LRP1B: variants seen among roughly 807,000 people sequenced by gnomAD.
The protein encoded by LRP1B is LDL receptor related protein 1B, also known as low-density lipoprotein receptor-related protein 1B.
A neutral mutation model predicts 556.6 loss-of-function variants in LRP1B; 217 were observed. That is an observed-to-expected ratio of 0.39 (90% CI 0.35 to 0.44). The LOEUF (loss-of-function observed/expected upper bound fraction) is 0.44. Among genes scored for constraint, LRP1B ranks in the 20% least tolerant of loss-of-function variants. The pLI, the probability that LRP1B is intolerant of heterozygous loss-of-function variation, is 1.00. For synonymous variants in LRP1B, 2,047 were observed against 1,865.8 expected (o/e 1.10, Z -2.50); for missense variants, 5,053 against 5,620.8 (o/e 0.90, Z 3.23).
rs758430451 is a variant in LRP1B at position 140,867,679 on chromosome 2, T to G, written c.4490A>C (p.Lys1497Thr). ...CACACTGACATTCTGCCCTGTCCACTTATTGGCTTTGGACAATGTGTTGGT... is the reference window on the plus strand; with the variant it reads ...CACACTGACATTCTGCCCTGTCCACGTATTGGCTTTGGACAATGTGTTGGT... ...WRTNTLSKAN[K>T]WTGQNVSVIQ... Residue 1497 changes from lysine to threonine, a missense_variant, in exon 27 of 91, where the codon AAG becomes ACG. Transcript: ENST00000389484. 6.2e-7 allele frequency: 1 copy of G among 1,613,680 alleles called. No homozygotes were observed. Among genetic ancestry groups the G allele is most frequent in the Middle Eastern group, 1.6e-4 (1 of 6,062 alleles).
chr2:141,423,079 C>T (rs148383564), intron 3 of LRP1B, among the ~76,000 whole-genome samples: 1 of 151,844 alleles, frequency 6.6e-6, no homozygotes, highest in East Asian at 1.9e-4. Context: ...TTGTAAAAGG[C>T]GAAGAGGAGA....
At chr2:140,433,755 C>T (rs1027020567) in intron 66 of LRP1B, among the ~76,000 whole-genome samples, 12 of 151,444 alleles carry the variant, frequency 7.9e-5, no homozygotes, top group African/African-American at 2.7e-4. Context: ...TACTATTAAT[C>T]GAAATATAGT....
chr2:141,277,211 C>G (rs961907026), intron 3 of LRP1B, among the ~76,000 whole-genome samples: 1 of 152,138 alleles, frequency 6.6e-6, no homozygotes, highest in Non-Finnish European at 1.5e-5. Flanking sequence ...TGAGAAATCG[C>G]CAACCTACTT....
intron 86 of LRP1B, among the ~76,000 whole-genome samples, chr2:140,255,885 G>T (rs12692041): frequency 0.61 from 93,259 of 151,960 alleles, 29,479 homozygotes; most frequent in Non-Finnish European, 0.7. Context: ...AAAATAAGTT[G>T]TTAAATTTTA....
chr2:140,919,214 A>G (rs1694668140), intron 21 of LRP1B, among the ~76,000 whole-genome samples: 2 of 152,028 alleles, frequency 1.3e-5, no homozygotes, highest in Admixed American at 1.3e-4. Context: ...CTCTGACTTT[A>G]TGAGTTTACT....
intron 1 of LRP1B, among the ~76,000 whole-genome samples, chr2:142,014,542 G>A (rs1323225149): frequency 2.6e-5 from 4 of 152,062 alleles, no homozygotes; most frequent in Non-Finnish European, 4.4e-5. Flanking sequence ...ACTGTTGTCA[G>A]AAACAGTAAA....
rs187088033 is a variant in LRP1B, at chr2:141,382,588, A to C, written c.343+97808T>G. On this transcript the variant is annotated intron_variant, in intron 3 of 90. Transcript: ENST00000389484. The stretch of plus-strand genomic sequence containing the variant: ...GAGACATGGCTTGTCAAAACCAACA[A>C]GATAGGTTTGCTGGCCTTCATCTCA... Among the ~76,000 whole-genome samples, 594 of 152,302 alleles carry C rather than the reference A, an allele frequency of 3.9e-3. 5 individuals are homozygous for C. The highest frequency in any genetic ancestry group is 0.013 in the African/African-American group (530 of 41,570).
At chr2:140,505,347 A>G (rs1390173013) in intron 53 of LRP1B, among the ~76,000 whole-genome samples, 2 of 151,536 alleles carry the variant, frequency 1.3e-5, no homozygotes, top group Non-Finnish European at 1.5e-5. Flanking sequence ...AGTTCATGCT[A>G]TTAACCACCA....
intron 2 of LRP1B, among the ~76,000 whole-genome samples, chr2:141,727,471 G>A (rs1343042375): frequency 2.0e-5 from 3 of 152,096 alleles, no homozygotes; most frequent in Non-Finnish European, 4.4e-5. Context: ...TACTTCTCCA[G>A]TACAATTTAG....
intron 66 of LRP1B, among the ~76,000 whole-genome samples, chr2:140,392,894 A>G (rs1304497848): frequency 6.6e-6 from 1 of 151,822 alleles, no homozygotes; most frequent in Non-Finnish European, 1.5e-5. Flanking sequence ...ACTAATATCT[A>G]ACAATTAAAA....
At chr2:140,311,757 G>T (rs1051102091) in intron 83 of LRP1B, among the ~76,000 whole-genome samples, 9 of 151,848 alleles carry the variant, frequency 5.9e-5, no homozygotes, top group African/African-American at 2.2e-4. Flanking sequence ...TGTTAAGGGA[G>T]CTAGGATGCA....
Position 140,954,246 on chromosome 2 carries a change from G to A in LRP1B, c.2888-2306C>T, listed in dbSNP as rs570432587. 1.5e-4 allele frequency among the ~76,000 whole-genome samples: 23 copies of A among 152,228 alleles called. 1 individual carries two copies. The highest frequency in any genetic ancestry group is 4.8e-4 in the African/African-American group (20 of 41,558). On this transcript the variant is annotated intron_variant, in intron 18 of 90. Transcript: ENST00000389484. ...TTTTGTCCTTAGATAGATAATAACT[G>A]TTTAGTGGATGTACTGCAGTGTAGA...
At chr2:141,242,742 C>A (rs1168241302) in intron 5 of LRP1B, among the ~76,000 whole-genome samples, 2 of 152,068 alleles carry the variant, frequency 1.3e-5, no homozygotes, top group East Asian at 3.9e-4. Context: ...TGCTTCAGTG[C>A]AATCAGTAGA....
intron 87 of LRP1B, among the ~76,000 whole-genome samples, chr2:140,245,800 TC>T (rs1221537428): frequency 6.6e-6 from 1 of 151,236 alleles, no homozygotes; most frequent in Non-Finnish European, 1.5e-5. Flanking sequence ...ATCAACCAAT[TC>T]CCCAAATCCC....
intron 72 of LRP1B, among the ~76,000 whole-genome samples, chr2:140,360,281 T>C (rs1447503078): frequency 1.3e-5 from 2 of 151,526 alleles, no homozygotes; most frequent in Non-Finnish European, 3.0e-5. Context: ...TACAGCTTCT[T>C]AAATATGTTA....
rs1225854405 is a variant in LRP1B, at chr2:142,130,705, G to T, written c.25C>A (p.Leu9Ile). 6.2e-7 allele frequency: 1 copy of T among 1,613,354 alleles called. No individual in the cohort carries two copies. Residue 9 changes from leucine to isoleucine, a missense_variant, in exon 1 of 91, where the codon CTC (leucine) becomes ATC (isoleucine). This residue lies in a region of LRP1B where 3,619 missense variants were observed against 3,931.9 expected (regional missense o/e 0.92). Coordinates refer to ENST00000389484, the MANE Select transcript of LRP1B (RefSeq NM_018557.3). ...ATCGGCAATAATCCCGAGAGAGTGA[G>T]TAAGGCGAGGAGAAACTCGGACATT... Reference protein sequence around the residue: MSEFLLALLTLSGLLPIAR... With the variant: MSEFLLALITLSGLLPIAR...
At chr2:141,983,573 T>C (rs900926108) in intron 1 of LRP1B, among the ~76,000 whole-genome samples, 6 of 152,162 alleles carry the variant, frequency 3.9e-5, no homozygotes, top group South Asian at 4.1e-4. Flanking sequence ...GTTACTACAA[T>C]GAATGGATAA....
At chr2:141,155,675 AAGAC>A (rs1702049142) in intron 7 of LRP1B, among the ~76,000 whole-genome samples, 4 of 151,950 alleles carry the variant, frequency 2.6e-5, no homozygotes, top group Admixed American at 1.3e-4. Flanking sequence ...TGCAGCTGCA[AAGAC>A]AAATTTATTA....
intron 3 of LRP1B, among the ~76,000 whole-genome samples, chr2:141,338,870 A>G (rs1206651790): frequency 1.3e-5 from 2 of 152,196 alleles, no homozygotes; most frequent in African/African-American, 4.8e-5. Context: ...GCTTATTTTC[A>G]TGGTGTAAAA....
Sources: gnomAD v4.1 joint callset for allele counts (sites outside exome capture counted in the v4.1 genomes callset) on GRCh38, gnomAD v4.1.1 for gene constraint, gnomAD v4.1.1 regional missense constraint, MANE v1.5 for transcripts, NCBI Gene and HGNC (gene_info 2026-07-23, HGNC 2026-07-21) for gene names.